Variants in OPHN1 observed in about 807,000 individuals in gnomAD.
OPHN1 encodes oligophrenin-1.
In OPHN1, 11 loss-of-function variants were observed where a neutral mutation model predicts 60.7. The ratio of observed to expected loss-of-function variants is 0.18; its 90% CI spans 0.11 to 0.30. The LOEUF (loss-of-function observed/expected upper bound fraction) is 0.30, where lower values mean the gene tolerates loss of function less well. OPHN1 is among the 10% of genes least tolerant of loss of function. OPHN1 has a pLI of 1.00. For missense variants in OPHN1, 449 were observed against 611.0 expected (o/e 0.73, Z 2.80); for synonymous variants, 226 against 222.6 (o/e 1.02, Z -0.14).
chrX:68,255,153 A>T (rs1413814331), intron 5 of OPHN1, among the ~76,000 whole-genome samples: 1 of 109,559 alleles, frequency 9.1e-6, no homozygotes, highest in Non-Finnish European at 1.9e-5. Context: ...CGGAGAAAAG[A>T]CCTGGAGGAC....
chrX:68,154,317 A>G (rs981020171), intron 15 of OPHN1, among the ~76,000 whole-genome samples: 3 of 112,584 alleles, frequency 2.7e-5, no homozygotes, highest in African/African-American at 9.7e-5. Context: ...TAAGGCAAGT[A>G]TCTAGATTCC....
chrX:68,426,552 T>TTATATATATATATATA (rs765336463), intron 2 of OPHN1, among the ~76,000 whole-genome samples: 10 of 16,182 alleles, frequency 6.2e-4, no homozygotes, highest in Non-Finnish European at 3.0e-3. Flanking sequence ...GACATCTGTT[T>TTATATATATATATATA]TATATATATA....
At chrX:68,306,946 A>T (rs1222624250) in intron 2 of OPHN1, among the ~76,000 whole-genome samples, 1 of 111,078 alleles carries the variant, frequency 9.0e-6, no homozygotes, top group Non-Finnish European at 1.9e-5. Flanking sequence ...TTGGTCTTGA[A>T]GTCCTGGCTT....
rs145718100 is a variant in OPHN1 at position 68,386,423 on chromosome X, A to G, written c.154+46444T>C. 2.4e-3 allele frequency among the ~76,000 whole-genome samples: 274 copies of G among 112,213 alleles called. 1 individual carries two copies. The highest frequency in any genetic ancestry group is 8.5e-3 in the African/African-American group (263 of 30,887). On this transcript the variant is annotated intron_variant, in intron 2 of 24. Transcript: ENST00000355520. The stretch of plus-strand genomic sequence containing the variant: ...TGAAACTAGACAAGAAACTACAATG[A>G]ATAAACCTTTTCTTTTAAAGATTTA...
intron 5 of OPHN1, among the ~76,000 whole-genome samples, chrX:68,247,250 T>C (rs73212876): frequency 0.025 from 2,817 of 111,617 alleles, 53 homozygotes; most frequent in Admixed American, 0.079. Flanking sequence ...TCTCTCTGTG[T>C]ACACGATCAT....
At chrX:68,360,473 C>T (rs2078466687) in intron 2 of OPHN1, among the ~76,000 whole-genome samples, 1 of 111,238 alleles carries the variant, frequency 9.0e-6, no homozygotes, top group Non-Finnish European at 1.9e-5. Context: ...GGATTACAGG[C>T]ATAAGCCACC....
At chrX:68,406,343 G>A (rs766301888) in intron 2 of OPHN1, among the ~76,000 whole-genome samples, 1 of 111,568 alleles carries the variant, frequency 9.0e-6, no homozygotes, top group Non-Finnish European at 1.9e-5. Flanking sequence ...CAGGCACGGT[G>A]GCTCACGCCT....
At chrX:68,227,692 T>A (rs183700924) in intron 6 of OPHN1, among the ~76,000 whole-genome samples, 1 of 111,435 alleles carries the variant, frequency 9.0e-6, no homozygotes, top group African/African-American at 3.3e-5. Flanking sequence ...AAAATAAAGA[T>A]GTTCTTTGAA....
rs374356984 is a variant in OPHN1 at position 68,248,222 on chromosome X, T to C, written c.385-13634A>G. ...GGGAGAACACAGCAATTGTGATGCATTGAACTCAGTGCTTTCCTATTGAAG... is the reference window on the plus strand; with the variant it reads ...GGGAGAACACAGCAATTGTGATGCACTGAACTCAGTGCTTTCCTATTGAAG... On this transcript the variant is annotated intron_variant, in intron 5 of 24. Coordinates refer to ENST00000355520, the MANE Select transcript of OPHN1 (RefSeq NM_002547.3). Among the ~76,000 whole-genome samples the C allele has an allele frequency of 6.5e-4, 72 of 110,677 alleles. 2 individuals carry two copies. In the South Asian group the frequency reaches 0.017, roughly 26 times the overall value.
chrX:68,060,927 A>G (rs1348471338), intron 21 of OPHN1, among the ~76,000 whole-genome samples: 1 of 112,146 alleles, frequency 8.9e-6, no homozygotes, highest in African/African-American at 3.2e-5. Flanking sequence ...TGCTTAACCG[A>G]TAACTCTTCA....
chrX:68,287,397 G>A (rs754052877), intron 3 of OPHN1, among the ~76,000 whole-genome samples: 143 of 105,471 alleles, frequency 1.4e-3, no homozygotes, highest in Non-Finnish European at 1.7e-3. Flanking sequence ...TAATCTCAGA[G>A]GCCAAGGCAG....
chrX:68,170,674 C>T (rs932356139), intron 15 of OPHN1, among the ~76,000 whole-genome samples: 12 of 106,326 alleles, frequency 1.1e-4, no homozygotes, highest in East Asian at 3.0e-4. Context: ...AGTAAACTAT[C>T]GCAAGAACAA....
intron 2 of OPHN1, among the ~76,000 whole-genome samples, chrX:68,310,748 TCAA>T (rs776951544): frequency 2.7e-5 from 3 of 112,094 alleles, no homozygotes; most frequent in South Asian, 3.6e-4. Flanking sequence ...AGCCATTTGC[TCAA>T]CAACAACACT....
chrX:68,287,762 A>G (rs1339725187), intron 3 of OPHN1, among the ~76,000 whole-genome samples: 2 of 112,129 alleles, frequency 1.8e-5, no homozygotes, highest in Non-Finnish European at 3.8e-5. Context: ...TCAACTATTC[A>G]GCCATTTTTA....
intron 15 of OPHN1, among the ~76,000 whole-genome samples, chrX:68,186,433 T>A (rs766620769): frequency 1.0e-4 from 11 of 107,308 alleles, no homozygotes; most frequent in African/African-American, 3.8e-4. Flanking sequence ...GCAGATCACC[T>A]GAAACTGGCT....
intron 2 of OPHN1, among the ~76,000 whole-genome samples, chrX:68,404,605 C>T (rs901047711): frequency 1.8e-5 from 2 of 111,191 alleles, no homozygotes; most frequent in African/African-American, 6.6e-5. Flanking sequence ...TGGAAACAAC[C>T]CAAATGTTCA....
At chrX:68,075,678 T>C (rs1156407216) in intron 19 of OPHN1, among the ~76,000 whole-genome samples, 3 of 102,363 alleles carry the variant, frequency 2.9e-5, no homozygotes, top group African/African-American at 1.1e-4. Flanking sequence ...AGCCCAGAAA[T>C]AGACCCACAT....
chrX:68,382,438 G>A (rs775521849), intron 2 of OPHN1, among the ~76,000 whole-genome samples: 2 of 111,812 alleles, frequency 1.8e-5, no homozygotes, highest in South Asian at 7.4e-4. Flanking sequence ...CAACCAGTTT[G>A]GATAGGAACA....
At chrX:68,264,231 G>T (rs1420078887) in intron 5 of OPHN1, among the ~76,000 whole-genome samples, 1 of 111,426 alleles carries the variant, frequency 9.0e-6, no homozygotes, top group Non-Finnish European at 1.9e-5. Context: ...AAAAGCAATG[G>T]CAACAAAAGA....
Sources: gnomAD v4.1 joint callset for allele counts (sites outside exome capture counted in the v4.1 genomes callset) on GRCh38, gnomAD v4.1.1 for gene constraint, MANE v1.5 for transcripts, NCBI Gene and HGNC (gene_info 2026-07-23, HGNC 2026-07-21) for gene names.